Variants in DAB1 observed in about 807,000 individuals in gnomAD.
DAB1 encodes the protein DAB adaptor protein 1.
A neutral mutation model predicts 64.6 loss-of-function variants in DAB1; 15 were observed. The ratio of observed to expected loss-of-function variants is 0.23; its 90% CI spans 0.16 to 0.36. The LOEUF (loss-of-function observed/expected upper bound fraction) is 0.36, where lower values mean the gene tolerates loss of function less well. Ranked by LOEUF, DAB1 falls within the 10% of genes least tolerant of loss-of-function variation. The pLI, the probability that DAB1 is intolerant of heterozygous loss-of-function variation, is 1.00. For synonymous variants in DAB1, 235 were observed against 251.9 expected, an observed-to-expected ratio of 0.93 and a Z score of 0.64; for missense variants, 596 against 706.7, an observed-to-expected ratio of 0.84 and a Z score of 1.78.
Position 58,072,092 on chromosome 1 carries a change from G to T in DAB1, n.387+78419C>A, listed in dbSNP as rs950107499. 6.5e-5 allele frequency among the ~76,000 whole-genome samples: 8 copies of T among 122,450 alleles called. No individual in the cohort carries two copies. The East Asian group carries it at 1.1e-3, about 16-fold the overall frequency. 80.3% of individuals were successfully genotyped at this position (122,450 alleles called of 152,430 possible). ...CAAACATTATTGGTGGGGTGGGGGGGGGTGGGTAGTAGGGAAGGTTTTGCA... is the reference window on the plus strand; with the variant it reads ...CAAACATTATTGGTGGGGTGGGGGGTGGTGGGTAGTAGGGAAGGTTTTGCA... On this transcript the variant is annotated intron_variant and non_coding_transcript_variant, in intron 5 of 20. Coordinates refer to the DAB1 transcript ENST00000485760.
chr1:57,627,744 C>A (rs1191532470), intron 7 of DAB1, among the ~76,000 whole-genome samples: 1 of 152,178 alleles, frequency 6.6e-6, no homozygotes, highest in Non-Finnish European at 1.5e-5. Context: ...GACTCCATAG[C>A]CCATGCTGTT....
chr1:57,914,724 C>T (rs1238882276), intron 5 of DAB1, among the ~76,000 whole-genome samples: 1 of 152,070 alleles, frequency 6.6e-6, no homozygotes, highest in African/African-American at 2.4e-5. Context: ...CTGTAAACAA[C>T]CTATATATCT....
intron 1 of DAB1, among the ~76,000 whole-genome samples, chr1:57,339,117 G>GA (rs1485823944): frequency 3.5e-4 from 53 of 150,280 alleles, no homozygotes; most frequent in African/African-American, 9.3e-4. Flanking sequence ...ACTGACTTAG[G>GA]AAAAAAATAC....
chr1:58,205,792 A>G (rs188540912), intron 4 of DAB1, among the ~76,000 whole-genome samples: 235 of 152,294 alleles, frequency 1.5e-3, no homozygotes, highest in Non-Finnish European at 2.9e-3. Context: ...GATTGTGCAT[A>G]GGTGTAAGGA....
chr1:57,649,031 A>T (rs1312379400), intron 7 of DAB1, among the ~76,000 whole-genome samples: 1 of 152,248 alleles, frequency 6.6e-6, no homozygotes, highest in Non-Finnish European at 1.5e-5. Flanking sequence ...TATGAAGCAC[A>T]TAATTCAGGG....
chr1:57,522,261 C>T (rs535339677), intron 7 of DAB1, among the ~76,000 whole-genome samples: 2 of 152,252 alleles, frequency 1.3e-5, no homozygotes, highest in African/African-American at 4.8e-5. Context: ...AGAGCCCCTC[C>T]CCTTCCCCAT....
chr1:57,329,568 A>C (rs181052430), intron 1 of DAB1, among the ~76,000 whole-genome samples: 1 of 147,350 alleles, frequency 6.8e-6, no homozygotes, highest in Non-Finnish European at 1.5e-5. Flanking sequence ...CAGCAGCTCA[A>C]TTCTTTGTTA....
chr1:58,245,663 G>A lies in DAB1; in HGVS notation n.310-95075C>T, dbSNP rs150470343. Among the ~76,000 whole-genome samples, 7 of 151,892 alleles carry A rather than the reference G, an allele frequency of 4.6e-5. No individual in the cohort carries two copies. The East Asian group carries it at 5.8e-4, about 13-fold the overall frequency. On this transcript the variant is annotated intron_variant and non_coding_transcript_variant, in intron 4 of 20. Coordinates refer to the DAB1 transcript ENST00000485760. ...TTTTTTTCTGACCTGACCAATTTAC[G>A]TAACCTCTTGGAGCCTAGCTTTCTT... is the stretch of plus-strand genomic sequence containing the variant.
chr1:58,231,043 C>A (rs570094248), intron 4 of DAB1, among the ~76,000 whole-genome samples: 1 of 152,156 alleles, frequency 6.6e-6, no homozygotes, highest in African/African-American at 2.4e-5. Context: ...GATTATAGTG[C>A]CAACTTCATA....
At chr1:57,614,984 C>A (rs1645774097) in intron 7 of DAB1, among the ~76,000 whole-genome samples, 1 of 150,796 alleles carries the variant, frequency 6.6e-6, no homozygotes, top group African/African-American at 2.4e-5. Flanking sequence ...CATTCTCCTG[C>A]CTCAGCTCCC....
chr1:58,092,461 T>C (rs1650726537), intron 5 of DAB1, among the ~76,000 whole-genome samples: 1 of 152,180 alleles, frequency 6.6e-6, no homozygotes, highest in African/African-American at 2.4e-5. Context: ...GGCTGGTTTC[T>C]TCCCTCAAGC....
At chr1:57,047,913 T>A (rs1415132681) in intron 9 of DAB1, among the ~76,000 whole-genome samples, 2 of 152,206 alleles carry the variant, frequency 1.3e-5, no homozygotes, top group Non-Finnish European at 2.9e-5. Flanking sequence ...GTCTTGCTCA[T>A]CCTTATATCT....
intron 7 of DAB1, among the ~76,000 whole-genome samples, chr1:57,546,788 A>C (rs1335401273): frequency 6.6e-6 from 1 of 152,146 alleles, no homozygotes; most frequent in Non-Finnish European, 1.5e-5. Context: ...CACAATGATG[A>C]AATCACCTAA....
chr1:58,174,553 C>T (rs1656356877), intron 4 of DAB1, among the ~76,000 whole-genome samples: 1 of 152,216 alleles, frequency 6.6e-6, no homozygotes, highest in African/African-American at 2.4e-5. Flanking sequence ...CTAGAGCAGT[C>T]ATCACCCAAT....
At chr1:57,428,972 G>C (rs77606073), upstream of DAB1, among the ~76,000 whole-genome samples, 586 of 150,638 alleles carry the variant, frequency 3.9e-3, 2 homozygotes, top group African/African-American at 0.014. Context: ...GAGTGTAGTG[G>C]TACCATCATT....
At chr1:57,780,908 A>G (rs1185540028) in intron 6 of DAB1, among the ~76,000 whole-genome samples, 1 of 151,108 alleles carries the variant, frequency 6.6e-6, no homozygotes, top group Non-Finnish European at 1.5e-5. Context: ...TTGTATTTTT[A>G]GTAGAGACAG....
intron 3 of DAB1, among the ~76,000 whole-genome samples, chr1:58,424,598 GT>G (rs1482613747): frequency 1.3e-5 from 2 of 152,194 alleles, no homozygotes; most frequent in Non-Finnish European, 2.9e-5. Context: ...ACCTAGAGTA[GT>G]TTTTGTTTCT....
At chr1:57,431,143 CAA>C (rs77701798) in intron 7 of DAB1, among the ~76,000 whole-genome samples, 18 of 96,370 alleles carry the variant, frequency 1.9e-4, no homozygotes, top group South Asian at 1.7e-3. Context: ...AGGCCAAAAA[CAA>C]AAAAAAAAAA....
intron 3 of DAB1, among the ~76,000 whole-genome samples, chr1:58,477,316 CTTT>C (rs921163180): frequency 1.3e-5 from 2 of 152,142 alleles, no homozygotes; most frequent in Non-Finnish European, 2.9e-5. Context: ...ATTTAAGCTA[CTTT>C]TTTATCAGAT....
Sources: allele counts gnomAD v4.1 joint callset (sites outside exome capture counted in the v4.1 genomes callset), GRCh38; gene constraint gnomAD v4.1.1; transcripts MANE v1.5; gene names NCBI Gene and HGNC (gene_info 2026-07-23, HGNC 2026-07-21).